Variants in LYPD6 observed in about 807,000 individuals in gnomAD.
LYPD6 encodes the protein ly6/PLAUR domain-containing protein 6.
LYPD6 carries 15 observed loss-of-function variants against 22.7 expected under a neutral mutation model. That is an observed-to-expected ratio of 0.66 (90% CI 0.44 to 1.02). LYPD6 has a LOEUF of 1.02. LYPD6 is among the 50% of genes least tolerant of loss of function. LYPD6 has a pLI of 0.00. For missense variants in LYPD6, 189 were observed against 208.4 expected (o/e 0.91, Z 0.57); for synonymous variants, 72 against 77.5 (o/e 0.93, Z 0.37).
chr2:149,357,480 T>G (rs147963025), intron 1 of LYPD6, among the ~76,000 whole-genome samples: 117 of 152,318 alleles, frequency 7.7e-4, no homozygotes, highest in Non-Finnish European at 1.4e-3. Flanking sequence ...TGAGAGCTGT[T>G]TCTCTGGGCC....
intron 3 of LYPD6, among the ~76,000 whole-genome samples, chr2:149,462,680 G>A (rs958572828): frequency 6.6e-6 from 1 of 151,976 alleles, no homozygotes; most frequent in African/African-American, 2.4e-5. Context: ...TACAGCTGTA[G>A]TAATCAAGAC....
At chr2:149,466,300 C>T (rs746758678) in intron 3 of LYPD6, among the ~76,000 whole-genome samples, 1 of 152,168 alleles carries the variant, frequency 6.6e-6, no homozygotes, top group Non-Finnish European at 1.5e-5. Context: ...CCTTTTTCCA[C>T]ATTAACATTT....
chr2:149,396,736 A>C (rs1361235151), intron 1 of LYPD6, among the ~76,000 whole-genome samples: 1 of 152,206 alleles, frequency 6.6e-6, no homozygotes, highest in Non-Finnish European at 1.5e-5. Flanking sequence ...TATTTAACTT[A>C]TCTGGGTCTC....
chr2:149,483,351 C>G, the LYPD6 span, among the ~76,000 whole-genome samples: 1 of 152,238 alleles, frequency 6.6e-6, no homozygotes, highest in Non-Finnish European at 1.5e-5. Context: ...TGCCTCTCTG[C>G]TTCTCACTCT....
At chr2:149,350,563 C>G (rs537140465) in intron 1 of LYPD6, among the ~76,000 whole-genome samples, 8 of 152,232 alleles carry the variant, frequency 5.3e-5, no homozygotes, top group African/African-American at 1.9e-4. Context: ...CCTGTGGACT[C>G]TCTAGTGCTG....
chr2:149,413,271 G>C (rs1448880183), intron 1 of LYPD6, among the ~76,000 whole-genome samples: 1 of 152,132 alleles, frequency 6.6e-6, no homozygotes, highest in Non-Finnish European at 1.5e-5. Context: ...GACTAAGATG[G>C]GGGAAAGAGG....
intron 1 of LYPD6, among the ~76,000 whole-genome samples, chr2:149,396,258 C>G (rs1248574449): frequency 3.3e-5 from 5 of 151,778 alleles, no homozygotes; most frequent in Admixed American, 3.3e-4. Context: ...TAGAAAATCA[C>G]TTCTCCTATC....
At chr2:149,450,768 C>T (rs975915101) in intron 3 of LYPD6, among the ~76,000 whole-genome samples, 1 of 152,156 alleles carries the variant, frequency 6.6e-6, no homozygotes, top group Non-Finnish European at 1.5e-5. Context: ...GGTAAACTTT[C>T]GAAAACACTA....
chr2:149,415,069 A>G (rs1159414850), intron 1 of LYPD6, among the ~76,000 whole-genome samples: 2 of 152,234 alleles, frequency 1.3e-5, no homozygotes, highest in East Asian at 1.9e-4. Context: ...CAGAGCTGGT[A>G]GTGGGTGTTC....
intron 1 of LYPD6, among the ~76,000 whole-genome samples, chr2:149,426,281 CT>C (rs1683187266): frequency 6.6e-6 from 1 of 152,176 alleles, no homozygotes; most frequent in Non-Finnish European, 1.5e-5. Context: ...GGAAACAACT[CT>C]CACGGTTTTT....
chr2:149,467,758 A>C (rs1681233465), intron 3 of LYPD6, among the ~76,000 whole-genome samples: 2 of 152,204 alleles, frequency 1.3e-5, no homozygotes, highest in Non-Finnish European at 2.9e-5. Flanking sequence ...GTGAAAGTAG[A>C]GCAAGAACAT....
At chr2:149,378,844 C>T (rs1007919441) in intron 1 of LYPD6, among the ~76,000 whole-genome samples, 1 of 152,186 alleles carries the variant, frequency 6.6e-6, no homozygotes, top group Non-Finnish European at 1.5e-5. Flanking sequence ...CTCCTTACTG[C>T]CCCATCCTGG....
intron 1 of LYPD6, among the ~76,000 whole-genome samples, chr2:149,332,916 C>A (rs558151589): frequency 1.4e-4 from 22 of 152,260 alleles, no homozygotes; most frequent in Admixed American, 1.4e-3. Context: ...GTTAAAGGTA[C>A]ATATAATCAA....
At chr2:149,334,927 A>G (rs1681007297) in intron 1 of LYPD6, among the ~76,000 whole-genome samples, 1 of 152,136 alleles carries the variant, frequency 6.6e-6, no homozygotes, top group African/African-American at 2.4e-5. Flanking sequence ...GTGACATCTT[A>G]GCTGTGGTGA....
chr2:149,449,420 G>C (rs2105162697), intron 3 of LYPD6, among the ~76,000 whole-genome samples: 1 of 152,300 alleles, frequency 6.6e-6, no homozygotes, highest in African/African-American at 2.4e-5. Flanking sequence ...GTCAAATGTA[G>C]GAAAAGAGAA....
intron 1 of LYPD6, among the ~76,000 whole-genome samples, chr2:149,351,513 G>A (rs1004344859): frequency 2.0e-5 from 3 of 152,038 alleles, no homozygotes; most frequent in African/African-American, 7.2e-5. Context: ...GATCTTGCTG[G>A]TGTCTTGAAA....
chr2:149,420,495 C>T (rs1003225308), intron 1 of LYPD6, among the ~76,000 whole-genome samples: 1 of 152,078 alleles, frequency 6.6e-6, no homozygotes. Flanking sequence ...TCATAAAAAT[C>T]GAGTGTGCTT....
chr2:149,403,847 A>G (rs568382315), intron 1 of LYPD6, among the ~76,000 whole-genome samples: 5,052 of 152,174 alleles, frequency 0.033, 258 homozygotes, highest in African/African-American at 0.12. Flanking sequence ...GTTTTCTTCT[A>G]GGGTTTTTAT....
chr2:149,364,544 A>AT (rs558543639), intron 1 of LYPD6, among the ~76,000 whole-genome samples: 10,968 of 135,284 alleles, frequency 0.081, 448 homozygotes, highest in African/African-American at 0.1. Flanking sequence ...ACAGAGTACA[A>AT]TTTTTTTTTT....
Sources: allele counts gnomAD v4.1 joint callset (sites outside exome capture counted in the v4.1 genomes callset), GRCh38; gene constraint gnomAD v4.1.1; transcripts MANE v1.5; gene names NCBI Gene and HGNC (gene_info 2026-07-23, HGNC 2026-07-21).